Variants in ARMC9 observed in about 807,000 individuals in gnomAD.
ARMC9 encodes the protein armadillo repeat containing 9.
A neutral mutation model predicts 107.0 loss-of-function variants in ARMC9; 94 were observed. That is an observed-to-expected ratio of 0.88 (90% confidence interval 0.74 to 1.04). The LOEUF (loss-of-function observed/expected upper bound fraction) is 1.04, where lower values mean the gene tolerates loss of function less well. Among genes scored for constraint, ARMC9 ranks in the 50% least tolerant of loss-of-function variants. The pLI, the probability that ARMC9 is intolerant of heterozygous loss-of-function variation, is 0.00. For synonymous variants in ARMC9, 380 were observed against 396.9 expected, an observed-to-expected ratio of 0.96 and a Z score of 0.51; for missense variants, 942 against 1,030.1, an observed-to-expected ratio of 0.91 and a Z score of 1.17.
intron 17 of ARMC9, chr2:231,288,854 G>T (rs569592277): frequency 3.0e-5 from 11 of 367,056 alleles, no homozygotes; most frequent in African/African-American, 1.5e-4. Flanking sequence ...ATCTGCACAT[G>T]ACAAATTGTT....
At position 231,362,743 on chromosome 2, in the gene ARMC9, T is replaced by C. The variant is rs1225131995; in HGVS notation, c.2261+1860T>C. 1 of 153,310 alleles carries C rather than the reference T, an allele frequency of 6.5e-6. No individual in the cohort carries two copies. The highest frequency in any genetic ancestry group is 1.5e-5 in the Non-Finnish European group (1 of 68,006). The allele number at this position is 153,310 out of a possible 1,614,324, so 9.5% of individuals were successfully genotyped here. On this transcript the variant is annotated intron_variant, in intron 23 of 24. Coordinates refer to ENST00000611582, the MANE Select transcript of ARMC9 (RefSeq NM_001352754.2). The surrounding 1 kb of genome is among the most constrained non-coding windows in gnomAD (Gnocchi z 4.7). Reference sequence around the variant, plus strand: ...CGGCATTCTAGATGAGAGATATATATATACCTCATATGTATATGGTATACC... The same window carrying C: ...CGGCATTCTAGATGAGAGATATATACATACCTCATATGTATATGGTATACC...
intron 3 of ARMC9, among the ~76,000 whole-genome samples, chr2:231,211,158 ACC>A (rs796834285): frequency 0.05 from 7,196 of 143,616 alleles, 253 homozygotes; most frequent in African/African-American, 0.11. Flanking sequence ...ACACACACAC[ACC>A]CCCACAGTTT....
intron 12 of ARMC9, among the ~76,000 whole-genome samples, chr2:231,266,477 T>C (rs1202205204): frequency 6.6e-6 from 1 of 152,222 alleles, no homozygotes; most frequent in Non-Finnish European, 1.5e-5. Flanking sequence ...CTTACCCATT[T>C]TTAGGTGTAC....
intron 19 of ARMC9, 62 bp downstream of exon 19, chr2:231,296,315 C>A (rs539370899): frequency 2.9e-6 from 4 of 1,366,092 alleles, no homozygotes; most frequent in South Asian, 1.2e-5. Flanking sequence ...CTCTTTCCTG[C>A]CTTGACAAGT....
rs1281035541 is a variant in ARMC9 at position 231,297,538 on chromosome 2, C to CT, written c.1773+1286dup. Among the ~76,000 whole-genome samples, 1 of 152,208 alleles carries CT rather than the reference C, an allele frequency of 6.6e-6. No homozygotes were observed. The highest frequency in any genetic ancestry group is 1.9e-4 in the East Asian group (1 of 5,198). ...GTGGCTGTCAGCAGTACATAAGTGG[C>CT]TGAACGTGGCTGTGTTCCTGTAAAA... On this transcript the variant is annotated intron_variant, in intron 19 of 24. Transcript: ENST00000611582. The surrounding 1 kb of genome is among the most constrained non-coding windows in gnomAD (Gnocchi z 4.2).
At chr2:231,344,515 A>G (rs2044700977) in intron 20 of ARMC9, among the ~76,000 whole-genome samples, 1 of 152,204 alleles carries the variant, frequency 6.6e-6, no homozygotes, top group South Asian at 2.1e-4. Context: ...TAGCTATGAA[A>G]ATGTTAACCT....
intron 12 of ARMC9, among the ~76,000 whole-genome samples, chr2:231,263,306 T>C (rs985151845): frequency 1.4e-4 from 22 of 152,278 alleles, no homozygotes; most frequent in East Asian, 5.8e-4. Flanking sequence ...ATACCACAGA[T>C]AGGGTAATTT....
chr2:231,350,751 A>T (rs1260403416), intron 21 of ARMC9, among the ~76,000 whole-genome samples: 3 of 151,960 alleles, frequency 2.0e-5, no homozygotes, highest in Non-Finnish European at 4.4e-5. Flanking sequence ...CCAGTTTTTT[A>T]AATTTAACTC....
intron 19 of ARMC9, among the ~76,000 whole-genome samples, chr2:231,317,006 T>G (rs896916082): frequency 6.6e-5 from 10 of 152,174 alleles, no homozygotes; most frequent in Non-Finnish European, 1.3e-4. Flanking sequence ...CCCCATTGTT[T>G]ATGATAAGAA....
At chr2:231,279,478 ATTTC>A (rs1305714404) in intron 16 of ARMC9, among the ~76,000 whole-genome samples, 2 of 137,828 alleles carry the variant, frequency 1.5e-5, no homozygotes, top group African/African-American at 5.3e-5. Context: ...ATCTGTTCCC[ATTTC>A]TTTCTTTCTT....
chr2:231,293,416 ATCT>A (rs2041157326), intron 18 of ARMC9, among the ~76,000 whole-genome samples: 1 of 152,078 alleles, frequency 6.6e-6, no homozygotes. Context: ...CAGCCTGAGA[ATCT>A]TCTTCAAGGC....
chr2:231,334,194 C>T (rs1429341247), intron 20 of ARMC9, among the ~76,000 whole-genome samples: 3 of 152,246 alleles, frequency 2.0e-5, no homozygotes, highest in African/African-American at 7.2e-5. Flanking sequence ...AGAGCCAGTA[C>T]AATTTGGTAT....
chr2:231,288,545 A>C (rs922562010), intron 17 of ARMC9: 3 of 461,378 alleles, frequency 6.5e-6, no homozygotes, highest in African/African-American at 6.0e-5. Context: ...TGCGCTAGAG[A>C]GTTCAGTTGT....
chr2:231,258,531 C>T (rs1209656753), intron 10 of ARMC9, among the ~76,000 whole-genome samples: 2 of 152,122 alleles, frequency 1.3e-5, no homozygotes, highest in Non-Finnish European at 2.9e-5. Context: ...TCATATTCCC[C>T]CGGTCCAGTA....
In ARMC9 at chr2:231,375,518, C is replaced by G. The variant is rs982439658; in HGVS notation, c.*3983C>G. 3.3e-5 allele frequency among the ~76,000 whole-genome samples: 5 copies of G among 152,130 alleles called. No homozygotes were observed. The highest frequency in any genetic ancestry group is 1.2e-4 in the African/African-American group (5 of 41,412). ...GGGCTGTTTTTCCATTGTGGTATAC[C>G]CTCTCCATTTAGATTCAATTGAACA... On this transcript the variant is annotated 3_prime_UTR_variant, in exon 25 of 25. Coordinates refer to ENST00000611582, the MANE Select transcript of ARMC9 (RefSeq NM_001352754.2). The surrounding 1 kb of genome is among the most constrained non-coding windows in gnomAD (Gnocchi z 4.3).
chr2:231,307,304 C>T (rs1458510765), intron 19 of ARMC9, among the ~76,000 whole-genome samples: 1 of 152,098 alleles, frequency 6.6e-6, no homozygotes, highest in South Asian at 2.1e-4. Context: ...GGCTCTCGAG[C>T]AAAGGGGCTT....
rs1382869745 is a variant in ARMC9 at position 231,214,990 on chromosome 2, G to T, written c.337G>T (p.Val113Leu). The T allele has an allele frequency of 6.2e-7, 1 of 1,614,126 alleles. No homozygotes were observed. The highest frequency in any genetic ancestry group is 8.5e-7 in the Non-Finnish European group (1 of 1,180,012). Residue 113 changes from valine to leucine, a missense_variant, in exon 4 of 25, where the codon GTG becomes TTG. By Grantham distance (32) the Val-to-Leu change is conservative (BLOSUM62 1). Transcript: ENST00000611582. ...HFAIYLLKYSVGRPDKEELDE... is the reference protein window; with the variant it reads ...HFAIYLLKYSLGRPDKEELDE... Reference sequence around the variant, plus strand: ...TGCCATCTATCTTTTGAAGTACTCTGTGGGGAGACCGGTGGGTTTACCTGG... The same window carrying T: ...TGCCATCTATCTTTTGAAGTACTCTTTGGGGAGACCGGTGGGTTTACCTGG...
chr2:231,300,679 T>A (rs1359736824), intron 19 of ARMC9, among the ~76,000 whole-genome samples: 1 of 152,220 alleles, frequency 6.6e-6, no homozygotes, highest in African/African-American at 2.4e-5. Flanking sequence ...GGGATTCAAA[T>A]CCAGGTGGTC....
chr2:231,261,483 A>T (rs754840826), intron 11 of ARMC9, among the ~76,000 whole-genome samples: 1 of 152,172 alleles, frequency 6.6e-6, no homozygotes, highest in African/African-American at 2.4e-5. Flanking sequence ...ATAGGATAGG[A>T]TAGAGTGAAT....
Sources: allele counts gnomAD v4.1 joint callset (sites outside exome capture counted in the v4.1 genomes callset), GRCh38; gene constraint gnomAD v4.1.1; non-coding constraint Gnocchi (gnomAD v3.1); transcripts MANE v1.5; gene names NCBI Gene and HGNC (gene_info 2026-07-23, HGNC 2026-07-21).